TMBIM1: variants seen among roughly 807,000 people sequenced by gnomAD.
The protein encoded by TMBIM1 is protein lifeguard 3.
TMBIM1 carries 34 observed loss-of-function variants against 45.1 expected under a neutral mutation model. The observed-to-expected ratio is 0.75, with a 90% CI of 0.57 to 1.00. The LOEUF (loss-of-function observed/expected upper bound fraction) is 1.00, where lower values mean the gene tolerates loss of function less well. Ranked by LOEUF, TMBIM1 falls within the 50% of genes least tolerant of loss-of-function variation. The probability of loss-of-function intolerance (pLI) is 0.00; values close to 1 mark genes in which losing one functional copy is unlikely to be tolerated. For synonymous variants in TMBIM1, 157 were observed against 153.5 expected, an observed-to-expected ratio of 1.02 and a Z score of -0.17; for missense variants, 374 against 402.4, an observed-to-expected ratio of 0.93 and a Z score of 0.60.
chr2:218,286,155 C>A (rs750969512), intron 1 of TMBIM1: 2 of 152,730 alleles, frequency 1.3e-5, no homozygotes, highest in Non-Finnish European at 2.9e-5. Context: ...CCACTGGAAG[C>A]CTGAATTTTC....
intron 1 of TMBIM1, among the ~76,000 whole-genome samples, chr2:218,285,051 C>G (rs1294669560): frequency 2.0e-5 from 3 of 152,216 alleles, no homozygotes; most frequent in African/African-American, 7.2e-5. Context: ...AATCGTGCCA[C>G]TGCACTCCAG....
intron 6 of TMBIM1, chr2:218,278,223 G>C (rs1357758062): frequency 6.6e-6 from 4 of 605,002 alleles, no homozygotes; most frequent in Admixed American, 3.0e-5. Flanking sequence ...CTGACTGCCT[G>C]TGTGATGGGG....
At position 218,275,579 on chromosome 2, in the gene TMBIM1, G is replaced by A; in HGVS notation, c.832C>T (p.His278Tyr). The change falls in exon 12 of 12, where the codon CAC (histidine) becomes TAC (tyrosine). Residue 278 changes from histidine to tyrosine, a missense_variant. Coordinates refer to ENST00000258412, the MANE Select transcript of TMBIM1 (RefSeq NM_022152.6). ...DTQLVLGNRK[H>Y]TISPEDYITG... ...ATGTAGTCCTCGGGGCTGATGGTGTGCTTCCGGTTCCCCAGGACCAGCTGT... is the reference window on the plus strand; with the variant it reads ...ATGTAGTCCTCGGGGCTGATGGTGTACTTCCGGTTCCCCAGGACCAGCTGT... 1 of 1,613,978 alleles carries A rather than the reference G, an allele frequency of 6.2e-7. No individual in the cohort carries two copies. The highest frequency in any genetic ancestry group is 1.1e-5 in the South Asian group (1 of 91,062).
chr2:218,275,672 G>A lies in TMBIM1; in HGVS notation c.790-51C>T, dbSNP rs558570235. On this transcript the variant is annotated intron_variant, in intron 11 of 11. Coordinates refer to ENST00000258412, the MANE Select transcript of TMBIM1 (RefSeq NM_022152.6). Reference sequence around the variant, plus strand: ...GAGAACTCAGGCATCAGTGTCCAGAGCTCATTTTTGGTCAGCAGATTTGTC... The same window carrying A: ...GAGAACTCAGGCATCAGTGTCCAGAACTCATTTTTGGTCAGCAGATTTGTC... 8.2e-6 allele frequency: 13 copies of A among 1,576,956 alleles called. No homozygotes were observed. The South Asian group carries it at 1.3e-4, about 16-fold the overall frequency.
chr2:218,279,118 G>T, intron 4 of TMBIM1, 27 bp from the exon 5 acceptor site: 1 of 1,613,922 alleles, frequency 6.2e-7, no homozygotes, highest in Non-Finnish European at 8.5e-7. Flanking sequence ...GACAGGAGTA[G>T]TCACCCTGAG....
chr2:218,277,016 G>A lies in TMBIM1; in HGVS notation c.723C>T (p.Leu241=), dbSNP rs763112151. 6.2e-7 allele frequency: 1 copy of A among 1,614,010 alleles called. No individual in the cohort carries two copies. The highest frequency in any genetic ancestry group is 1.3e-5 in the African/African-American group (1 of 75,032). The change falls in exon 10 of 12, where the codon CTC becomes CTT. Residue 241 remains leucine (L), a synonymous_variant. Coordinates refer to ENST00000258412, the MANE Select transcript of TMBIM1 (RefSeq NM_022152.6). ...CTGGGACACTCACGTATTGGAAGTA[G>A]AGCACAATGCTAGTGACAATCCCAG... The part of the protein sequence containing the change: ...LVTGIVTSIV[L]YFQYVYWLHM...
At chr2:218,291,239 C>T (rs569376408) in intron 1 of TMBIM1, among the ~76,000 whole-genome samples, 2 of 152,302 alleles carry the variant, frequency 1.3e-5, no homozygotes, top group East Asian at 3.9e-4. Flanking sequence ...GACAGGGCCC[C>T]TGACACTGTG....
chr2:218,285,639 T>A (rs1210718055), intron 1 of TMBIM1: 1 of 152,258 alleles, frequency 6.6e-6, no homozygotes, highest in African/African-American at 2.4e-5. Context: ...CTGTCCTTGG[T>A]TACCGAGCTG....
At chr2:218,285,552 G>A (rs542412177) in intron 1 of TMBIM1, among the ~76,000 whole-genome samples, 1 of 152,284 alleles carries the variant, frequency 6.6e-6, no homozygotes, top group African/African-American at 2.4e-5. Flanking sequence ...GATACATAAA[G>A]GTCAGAGCTG....
rs1196243857 is a variant in TMBIM1, at chr2:218,275,472, T to G, written c.*3A>C. Reference sequence around the variant, plus strand: ...GGATCGGGTGAAAATGGGGGCTTGCTCCTTAATTGCGATCCCCCATCAGCT... The same window carrying G: ...GGATCGGGTGAAAATGGGGGCTTGCGCCTTAATTGCGATCCCCCATCAGCT... On this transcript the variant is annotated 3_prime_UTR_variant, in exon 12 of 12. Coordinates refer to ENST00000258412, the MANE Select transcript of TMBIM1 (RefSeq NM_022152.6). The G allele has an allele frequency of 6.2e-7, 1 of 1,611,752 alleles. No homozygotes were observed. The highest frequency in any genetic ancestry group is 8.5e-7 in the Non-Finnish European group (1 of 1,178,666).
chr2:218,283,327 G>A (rs773424670), intron 1 of TMBIM1, among the ~76,000 whole-genome samples: 10 of 152,220 alleles, frequency 6.6e-5, no homozygotes, highest in African/African-American at 7.2e-5. Context: ...TAACCAGGAC[G>A]GAGGCCTTCC....
At chr2:218,290,092 G>C (rs866793138) in intron 1 of TMBIM1, 5 of 152,156 alleles carry the variant, frequency 3.3e-5, no homozygotes, top group Admixed American at 6.6e-5. Flanking sequence ...TGGAGAAACA[G>C]AATCACCTAG....
rs148970259 is a variant in TMBIM1, at chr2:218,275,546, C to T, written c.865G>A (p.Ala289Thr). Residue 289 changes from alanine to threonine, a missense_variant, in exon 12 of 12, where the codon GCC becomes ACC. Ala to Thr is a moderately conservative substitution (Grantham distance 58, BLOSUM62 0). Transcript: ENST00000258412. ...TISPEDYITG[A>T]LQIYTDIIYI... ...ATGATGTCTGTGTAAATCTGCAGGG[C>T]GCCAGTGATGTAGTCCTCGGGGCTG... The T allele has an allele frequency of 8.0e-5, 129 of 1,613,980 alleles. No individual in the cohort carries two copies. Among genetic ancestry groups the T allele is most frequent in the Non-Finnish European group, 9.3e-5 (110 of 1,179,970 alleles).
At chr2:218,290,379 A>G (rs1574665467) in intron 1 of TMBIM1, among the ~76,000 whole-genome samples, 1 of 152,182 alleles carries the variant, frequency 6.6e-6, no homozygotes, top group Non-Finnish European at 1.5e-5. Context: ...TATTACAGAC[A>G]CCCAACCCTG....
chr2:218,275,955 T>TCATGCCC, intron 11 of TMBIM1, 71 bp downstream of exon 11: 1 of 1,536,350 alleles, frequency 6.5e-7, no homozygotes, highest in Non-Finnish European at 8.9e-7. Context: ...CAGTCTAAAT[T>TCATGCCC]CATGCCCCCT....
At chr2:218,275,661 C>T (rs747704732) in intron 11 of TMBIM1, 40 bp from the exon 12 acceptor site, 1 of 1,592,576 alleles carries the variant, frequency 6.3e-7, no homozygotes, top group Non-Finnish European at 8.5e-7. Flanking sequence ...ACTCAGGCAT[C>T]AGTGTCCAGA....
rs1256102654 is a variant in TMBIM1 at position 218,279,360 on chromosome 2, A to G, written c.304-7T>C. The G allele has an allele frequency of 4.5e-6, 7 of 1,562,716 alleles. No homozygotes were observed. The highest frequency in any genetic ancestry group is 6.1e-6 in the Non-Finnish European group (7 of 1,155,682). On this transcript the variant is annotated splice_region_variant and splice_polypyrimidine_tract_variant and intron_variant, in intron 3 of 11. Coordinates refer to ENST00000258412, the MANE Select transcript of TMBIM1 (RefSeq NM_022152.6). ...CGGAGATGATGGAGTAAACCTGGAC[A>G]CAGACGGCCGGGCATGGGTCACCAT...
intron 1 of TMBIM1, 71 bp from the exon 2 acceptor site, chr2:218,282,252 C>G (rs1012089986): frequency 2.4e-5 from 21 of 870,376 alleles, no homozygotes; most frequent in Non-Finnish European, 3.5e-5. Context: ...GGGCCCACTT[C>G]CAGCCTTGTC....
chr2:218,289,535 G>A (rs1015714523), intron 1 of TMBIM1, among the ~76,000 whole-genome samples: 1 of 149,848 alleles, frequency 6.7e-6, no homozygotes, highest in Non-Finnish European at 1.5e-5. Context: ...CCAGCTTCTC[G>A]GGAGGCTGAG....
Sources: allele counts gnomAD v4.1 joint callset (sites outside exome capture counted in the v4.1 genomes callset), GRCh38; gene constraint gnomAD v4.1.1; transcripts MANE v1.5; gene names NCBI Gene and HGNC (gene_info 2026-07-23, HGNC 2026-07-21).